The following ERICH1 variants were observed in gnomAD, a reference collection of about 807,000 sequenced individuals.
ERICH1 encodes glutamate-rich protein 1.
ERICH1 carries 56 observed loss-of-function variants against 39.6 expected under a neutral mutation model. That is an observed-to-expected ratio of 1.41 (90% CI 1.14 to 1.77). ERICH1 has a LOEUF of 1.77. Ranked by LOEUF, ERICH1 falls within the 40% of genes most tolerant of loss-of-function variation. ERICH1 has a pLI of 0.00. For synonymous variants in ERICH1, 313 were observed against 223.6 expected (o/e 1.40, Z -3.57); for missense variants, 826 against 575.4 (o/e 1.44, Z -4.45).
At position 731,224 on chromosome 8, in the gene ERICH1, C is replaced by T. The variant is rs1819937044; in HGVS notation, c.-63G>A. 7.1e-7 allele frequency: 1 copy of T among 1,406,784 alleles called. No homozygotes were observed. Among genetic ancestry groups the T allele is most frequent in the African/African-American group, 1.5e-5 (1 of 66,998 alleles). The allele number at this position is 1,406,784 out of a possible 1,614,324, so 87.1% of individuals were successfully genotyped here. A position where few individuals can be genotyped will look rare whatever the true frequency, so the allele number is the denominator to read the frequency against. The stretch of plus-strand genomic sequence containing the variant: ...GTCCTGAGCTGAGCGCCGTGCCTTC[C>T]GGGTTCCGCCCTCCTGGGTCCGCCC... On this transcript the variant is annotated 5_prime_UTR_variant, in exon 1 of 6. Coordinates refer to ENST00000262109, the MANE Select transcript of ERICH1 (RefSeq NM_207332.3).
intron 3 of ERICH1, among the ~76,000 whole-genome samples, chr8:686,380 A>T (rs1807378199): frequency 6.6e-6 from 1 of 152,124 alleles, no homozygotes; most frequent in Admixed American, 6.5e-5. Context: ...TCGAGTAACT[A>T]TGTTTTACGA....
At chr8:660,575 C>A (rs1263642269), downstream of ERICH1, among the ~76,000 whole-genome samples, 6 of 152,258 alleles carry the variant, frequency 3.9e-5, no homozygotes, top group African/African-American at 7.2e-5. Context: ...TGAATCCCCA[C>A]CCAAAGACAC....
rs780141712 is a variant in ERICH1 at position 668,760 on chromosome 8, C to A, written c.1096G>T (p.Ala366Ser). The change falls in exon 5 of 6, where the codon GCA (alanine) becomes TCA (serine). Residue 366 changes from alanine (A) to serine (S), a missense_variant. Physicochemically the swap from Ala to Ser is moderately conservative, Grantham distance 99. Coordinates refer to ENST00000262109, the MANE Select transcript of ERICH1 (RefSeq NM_207332.3). Reference protein sequence around the residue: ...VSRDAASAALADAAEELLDRL... With the variant: ...VSRDAASAALSDAAEELLDRL... ...TCCAGCAGCTCCTCAGCGGCATCTG[C>A]GAGGGCAGCTGAAGCTGCATCTCTG... 4.3e-6 allele frequency: 7 copies of A among 1,611,594 alleles called. No individual in the cohort carries two copies. Among genetic ancestry groups the A allele is most frequent in the Non-Finnish European group, 5.1e-6 (6 of 1,178,470 alleles).
intron 2 of ERICH1, among the ~76,000 whole-genome samples, chr8:701,860 G>C (rs1390541115): frequency 1.3e-5 from 2 of 152,068 alleles, no homozygotes; most frequent in Admixed American, 1.3e-4. Flanking sequence ...GGGAGGCTGA[G>C]GCAAGCAGAT....
At chr8:692,689 G>A (rs1397199656) in intron 2 of ERICH1, 77 bp from the exon 3 acceptor site, 35 of 1,416,232 alleles carry the variant, frequency 2.5e-5, no homozygotes, top group Non-Finnish European at 3.2e-5. Flanking sequence ...GATTACATCG[G>A]CATTGTTTCT....
chr8:652,344 A>T (rs1197528153), intron 3 of ERICH1, among the ~76,000 whole-genome samples: 1 of 152,256 alleles, frequency 6.6e-6, no homozygotes, highest in Non-Finnish European at 1.5e-5. Context: ...AGCAGTGGAC[A>T]GAGATAAATG....
chr8:720,434 A>G lies in ERICH1; in HGVS notation c.23-4427T>C, dbSNP rs182135095. On this transcript the variant is annotated intron_variant, in intron 1 of 5. Coordinates refer to ENST00000262109, the MANE Select transcript of ERICH1 (RefSeq NM_207332.3). Reference sequence around the variant, plus strand: ...AACTGGGATAATCAGGATGCCAGGAAGAGCATGCAACTACTTAAGAATGCA... The same window carrying G: ...AACTGGGATAATCAGGATGCCAGGAGGAGCATGCAACTACTTAAGAATGCA... Among the ~76,000 whole-genome samples, 472 of 152,358 alleles carry G rather than the reference A, an allele frequency of 3.1e-3. 3 individuals are homozygous for G. The highest frequency in any genetic ancestry group is 4.9e-3 in the Non-Finnish European group (332 of 68,032).
At chr8:615,485 G>T (rs1447251516) in intron 3 of ERICH1, 2 of 463,328 alleles carry the variant, frequency 4.3e-6, no homozygotes, top group Non-Finnish European at 7.5e-6. Flanking sequence ...TCTCTACGAG[G>T]CCTGGGTGCA....
At position 629,523 on chromosome 8, in the gene ERICH1, G is replaced by C. The variant is rs13255297; in HGVS notation, c.977-14239C>G. Among the ~76,000 whole-genome samples the C allele has an allele frequency of 3.0e-3, 302 of 101,884 alleles. 2 individuals carry two copies. Among genetic ancestry groups the C allele is most frequent in the African/African-American group, 7.9e-3 (176 of 22,332 alleles). 66.8% of individuals were successfully genotyped at this position (101,884 alleles called of 152,430 possible). On this transcript the variant is annotated intron_variant, in intron 3 of 3. Coordinates refer to the ERICH1 transcript ENST00000522706. ...TACTGTGACCACCCACAGAGACAGA[G>C]CTGACACACACCCTCCTGTGAGCAC... is the stretch of plus-strand genomic sequence containing the variant.
At chr8:700,257 G>A (rs1221451019) in intron 2 of ERICH1, among the ~76,000 whole-genome samples, 1 of 83,502 alleles carries the variant, frequency 1.2e-5, no homozygotes, top group African/African-American at 3.9e-5. Context: ...CCGCACACGC[G>A]CACAGGCCCG....
chr8:668,671 C>T lies in ERICH1; in HGVS notation c.1185G>A (p.Leu395=), dbSNP rs1427852478. The T allele has an allele frequency of 3.1e-6, 5 of 1,614,068 alleles. No homozygotes were observed. In the African/African-American group the frequency reaches 4.0e-5, roughly 13 times the overall value. The change falls in exon 5 of 6, where the codon CTG becomes CTA. Residue 395 remains leucine (L), a synonymous_variant. Coordinates refer to ENST00000262109, the MANE Select transcript of ERICH1 (RefSeq NM_207332.3). ...DVSILYHMKT[L]LLLQDTERLK... ...ATCTCTCAGTATCTTGCAGGAGCAGCAGCGTTTTCATGTGGTACAGGATGG... is the reference window on the plus strand; with the variant it reads ...ATCTCTCAGTATCTTGCAGGAGCAGTAGCGTTTTCATGTGGTACAGGATGG...
At chr8:688,275 G>GTCCCC (rs1337611083) in intron 3 of ERICH1, among the ~76,000 whole-genome samples, 2 of 32,206 alleles carry the variant, frequency 6.2e-5, no homozygotes, top group Non-Finnish European at 1.2e-4. Context: ...AGTTCCGCCC[G>GTCCCC]TCCCCGCCCC....
intron 3 of ERICH1, chr8:615,346 C>G (rs1417401612): frequency 1.6e-6 from 1 of 615,898 alleles, no homozygotes; most frequent in Non-Finnish European, 2.9e-6. Context: ...GTTTATTGAT[C>G]CACAGATGTG....
chr8:699,768 C>T (rs1029379560), intron 2 of ERICH1, among the ~76,000 whole-genome samples: 1 of 98,278 alleles, frequency 1.0e-5, no homozygotes, highest in Admixed American at 1.2e-4. Flanking sequence ...CTCACACAGC[C>T]GCACAGACCC....
In ERICH1 at chr8:617,775, G is replaced by T. The variant is rs572162612; in HGVS notation, c.977-2491C>A. Among the ~76,000 whole-genome samples, 151 of 149,546 alleles carry T rather than the reference G, an allele frequency of 1.0e-3. 1 individual carries two copies. Among genetic ancestry groups the T allele is most frequent in the African/African-American group, 3.7e-3 (149 of 40,364 alleles). On this transcript the variant is annotated intron_variant, in intron 3 of 3. Transcript: ENST00000522706. The stretch of plus-strand genomic sequence containing the variant: ...TGTCCTCACTGTCCTCTGCGTGATT[G>T]GTGCTCAGTCCATCCTCACTGCCCT...
At chr8:661,771 C>G (rs548804075), downstream of ERICH1, among the ~76,000 whole-genome samples, 2 of 152,378 alleles carry the variant, frequency 1.3e-5, no homozygotes, top group South Asian at 4.1e-4. Context: ...AGCATCCCAC[C>G]TGCTCGACTG....
intron 3 of ERICH1, among the ~76,000 whole-genome samples, chr8:652,013 C>T (rs185662566): frequency 2.0e-4 from 31 of 152,284 alleles, no homozygotes; most frequent in Middle Eastern, 3.4e-3. Flanking sequence ...GGGAAAAGGC[C>T]GTTGGCAGTT....
At chr8:649,890 C>T (rs968402918) in intron 3 of ERICH1, among the ~76,000 whole-genome samples, 1 of 152,188 alleles carries the variant, frequency 6.6e-6, no homozygotes, top group African/African-American at 2.4e-5. Context: ...GCAGTGGCCC[C>T]AGGTTGGGAG....
intron 2 of ERICH1, among the ~76,000 whole-genome samples, chr8:699,468 G>T (rs1036542533): frequency 6.6e-6 from 1 of 152,108 alleles, no homozygotes; most frequent in South Asian, 2.1e-4. Context: ...GGACAAGCAC[G>T]AGCACAACAA....
Sources: allele counts gnomAD v4.1 joint callset (sites outside exome capture counted in the v4.1 genomes callset), GRCh38; gene constraint gnomAD v4.1.1; transcripts MANE v1.5; gene names NCBI Gene and HGNC (gene_info 2026-07-23, HGNC 2026-07-21).